The following PTPRD variants were observed in gnomAD, a reference collection of about 807,000 sequenced individuals.
The protein encoded by PTPRD is protein tyrosine phosphatase receptor type D.
In PTPRD, 34 loss-of-function variants were observed where a neutral mutation model predicts 214.5. The observed-to-expected ratio is 0.16, with a 90% confidence interval of 0.12 to 0.21. The LOEUF is 0.21. Ranked by LOEUF, PTPRD falls within the 10% of genes least tolerant of loss-of-function variation. PTPRD has a pLI of 1.00. For synonymous variants in PTPRD, 1,128 were observed against 845.7 expected, an observed-to-expected ratio of 1.33 and a Z score of -5.79; for missense variants, 2,545 against 2,398.7, an observed-to-expected ratio of 1.06 and a Z score of -1.27.
chr9:9,416,833 G>C (rs1569568129), intron 8 of PTPRD, among the ~76,000 whole-genome samples: 1 of 152,052 alleles, frequency 6.6e-6, no homozygotes, highest in Non-Finnish European at 1.5e-5. Flanking sequence ...AGCTTCTGTT[G>C]GTTCAAATCC....
At chr9:8,730,310 G>A (rs749068060) in intron 12 of PTPRD, among the ~76,000 whole-genome samples, 1 of 152,220 alleles carries the variant, frequency 6.6e-6, no homozygotes, top group Admixed American at 6.5e-5. Flanking sequence ...CTACAGCAAG[G>A]CTCTTTAACA....
chr9:9,569,510 G>T (rs1160830936), intron 8 of PTPRD, among the ~76,000 whole-genome samples: 1 of 151,578 alleles, frequency 6.6e-6, no homozygotes, highest in African/African-American at 2.4e-5. Flanking sequence ...TTAAATATAT[G>T]CCATTGAAAG....
chr9:8,614,680 A>T (rs2095554115), intron 14 of PTPRD, among the ~76,000 whole-genome samples: 1 of 152,146 alleles, frequency 6.6e-6, no homozygotes, highest in Non-Finnish European at 1.5e-5. Flanking sequence ...GATCTGGCAC[A>T]TTGGGATCTT....
Position 8,633,369 on chromosome 9 carries a change from G to A in PTPRD, c.300C>T (p.Ala100=), listed in dbSNP as rs770265357. ...PRDEAIYECV[A]SNNVGEISVS... ...CACTTATTTCTCCCACATTATTTGA[G>A]GCCACACATTCATAAATGGCCTCAT... The change falls in exon 14 of 46, where the codon GCC becomes GCT. Residue 100 remains alanine (A), a synonymous_variant. Coordinates refer to ENST00000381196, the MANE Select transcript of PTPRD (RefSeq NM_002839.4). 2 of 1,612,720 alleles carry A rather than the reference G, an allele frequency of 1.2e-6. No individual in the cohort carries two copies. Among genetic ancestry groups the A allele is most frequent in the South Asian group, 2.2e-5 (2 of 91,010 alleles).
chr9:9,610,393 A>C (rs1400424330), intron 7 of PTPRD, among the ~76,000 whole-genome samples: 2 of 152,236 alleles, frequency 1.3e-5, no homozygotes, highest in Non-Finnish European at 2.9e-5. Context: ...CTACATTTGC[A>C]CTAGCAAAGC....
intron 9 of PTPRD, among the ~76,000 whole-genome samples, chr9:9,233,211 A>G (rs774531484): frequency 8.5e-5 from 13 of 152,162 alleles, no homozygotes; most frequent in Non-Finnish European, 7.3e-5. Context: ...TCATGGCAGA[A>G]GGCACCTCTT....
At chr9:10,606,098 C>T (rs558626779) in intron 2 of PTPRD, among the ~76,000 whole-genome samples, 1 of 151,836 alleles carries the variant, frequency 6.6e-6, no homozygotes, top group East Asian at 1.9e-4. Flanking sequence ...TACTATGGTT[C>T]ATGAATAAAC....
chr9:8,630,011 T>C (rs1238084488), intron 14 of PTPRD, among the ~76,000 whole-genome samples: 3 of 151,828 alleles, frequency 2.0e-5, no homozygotes, highest in Non-Finnish European at 4.4e-5. Flanking sequence ...CAATGTCTTC[T>C]TCATTAACCA....
rs149677652 is a variant in PTPRD at position 10,126,647 on chromosome 9, A to G, written c.-544-92857T>C. Reference sequence around the variant, plus strand: ...CTTTCATCAGCAACACCAGAACACTAGATTCTTTCTTTTTTCTTTTTTATA... The same window carrying G: ...CTTTCATCAGCAACACCAGAACACTGGATTCTTTCTTTTTTCTTTTTTATA... On this transcript the variant is annotated intron_variant, in intron 3 of 45. Coordinates refer to ENST00000381196, the MANE Select transcript of PTPRD (RefSeq NM_002839.4). Among the ~76,000 whole-genome samples the G allele has an allele frequency of 3.5e-3, 530 of 152,250 alleles. 2 individuals are homozygous for G. Among genetic ancestry groups the G allele is most frequent in the African/African-American group, 0.012 (498 of 41,552 alleles).
intron 11 of PTPRD, among the ~76,000 whole-genome samples, chr9:8,997,391 C>T (rs2099401135): frequency 6.6e-6 from 1 of 152,042 alleles, no homozygotes; most frequent in Admixed American, 6.6e-5. Flanking sequence ...CACAATATTT[C>T]AAACTCTTTC....
At chr9:8,776,272 A>T (rs1039933999) in intron 11 of PTPRD, among the ~76,000 whole-genome samples, 12 of 152,202 alleles carry the variant, frequency 7.9e-5, no homozygotes, top group Admixed American at 7.2e-4. Context: ...GGATGTTGTC[A>T]AAGTTAAACT....
chr9:9,648,829 C>T (rs1372489604), intron 7 of PTPRD, among the ~76,000 whole-genome samples: 1 of 152,116 alleles, frequency 6.6e-6, no homozygotes, highest in African/African-American at 2.4e-5. Flanking sequence ...ATGGCCCACA[C>T]TCTCAAATAA....
Position 9,371,919 on chromosome 9 carries a change from A to G in PTPRD, c.-203+25530T>C, listed in dbSNP as rs921374384. Among the ~76,000 whole-genome samples, 4 of 152,032 alleles carry G rather than the reference A, an allele frequency of 2.6e-5. 1 individual carries two copies. The highest frequency in any genetic ancestry group is 4.4e-5 in the Non-Finnish European group (3 of 67,972). On this transcript the variant is annotated intron_variant, in intron 9 of 45. Coordinates refer to ENST00000381196, the MANE Select transcript of PTPRD (RefSeq NM_002839.4). ...TTGTTCAGTTTCCATGTAGTTGAGCAGTTTTGAGTGAGTTTCTTAATCCTG... is the reference window on the plus strand; with the variant it reads ...TTGTTCAGTTTCCATGTAGTTGAGCGGTTTTGAGTGAGTTTCTTAATCCTG...
intron 9 of PTPRD, among the ~76,000 whole-genome samples, chr9:9,245,539 T>C (rs949021022): frequency 1.3e-5 from 2 of 151,776 alleles, no homozygotes; most frequent in African/African-American, 2.4e-5. Flanking sequence ...AAACACTGCA[T>C]GTTCTCACTC....
chr9:8,981,529 C>T (rs1284786043), intron 11 of PTPRD, among the ~76,000 whole-genome samples: 1 of 151,890 alleles, frequency 6.6e-6, no homozygotes, highest in Non-Finnish European at 1.5e-5. Context: ...AAATCATCTA[C>T]TTGGCTAGGA....
intron 37 of PTPRD, among the ~76,000 whole-genome samples, chr9:8,384,110 C>T (rs1289386415): frequency 3.3e-5 from 5 of 152,142 alleles, no homozygotes; most frequent in African/African-American, 7.2e-5. Flanking sequence ...AATCCTACCT[C>T]GGAGATGCCA....
At chr9:8,770,277 C>A (rs117296480) in intron 11 of PTPRD, among the ~76,000 whole-genome samples, 2,232 of 151,848 alleles carry the variant, frequency 0.015, 18 homozygotes, top group Non-Finnish European at 0.026. Flanking sequence ...GAGCTAGATT[C>A]CGTCTCAAAT....
chr9:9,417,416 C>G (rs967848745), intron 8 of PTPRD, among the ~76,000 whole-genome samples: 16 of 152,066 alleles, frequency 1.1e-4, no homozygotes, highest in African/African-American at 3.9e-4. Context: ...TGTTCTATCA[C>G]AAGCATACTT....
At chr9:10,187,119 G>C (rs765421610) in intron 3 of PTPRD, among the ~76,000 whole-genome samples, 2 of 151,972 alleles carry the variant, frequency 1.3e-5, no homozygotes, top group South Asian at 2.1e-4. Flanking sequence ...ATCCATAAAT[G>C]CTCTTTTAAA....
Sources: allele counts gnomAD v4.1 joint callset (sites outside exome capture counted in the v4.1 genomes callset), GRCh38; gene constraint gnomAD v4.1.1; transcripts MANE v1.5; gene names NCBI Gene and HGNC (gene_info 2026-07-23, HGNC 2026-07-21).